XXYLT1: variants seen among roughly 807,000 people sequenced by gnomAD.
The protein encoded by XXYLT1 is xyloside xylosyltransferase 1, also known as UDP-xylose:alpha-xyloside alpha-1,3-xylosyltransferase.
XXYLT1 carries 20 observed loss-of-function variants against 28.9 expected under a neutral mutation model. The observed-to-expected ratio is 0.69, with a 90% CI of 0.49 to 1.00. The LOEUF is 1.00. Ranked by LOEUF, XXYLT1 falls within the 50% of genes least tolerant of loss-of-function variation. XXYLT1 has a pLI of 0.00. For synonymous variants in XXYLT1, 257 were observed against 253.8 expected, an observed-to-expected ratio of 1.01 and a Z score of -0.12; for missense variants, 542 against 560.1, an observed-to-expected ratio of 0.97 and a Z score of 0.33.
intron 2 of XXYLT1, among the ~76,000 whole-genome samples, chr3:195,225,894 C>T (rs975568749): frequency 5.3e-5 from 8 of 152,194 alleles, no homozygotes; most frequent in Admixed American, 4.6e-4. Flanking sequence ...GACGTATTTG[C>T]TTCCCCTTCC....
intron 3 of XXYLT1, among the ~76,000 whole-genome samples, chr3:195,112,831 A>G (rs1411360125): frequency 6.7e-6 from 1 of 149,468 alleles, no homozygotes; most frequent in Non-Finnish European, 1.5e-5. Flanking sequence ...GAAGCAGCGC[A>G]CACACGCACA....
At chr3:195,163,086 AGTCT>A (rs1482822495) in intron 2 of XXYLT1, among the ~76,000 whole-genome samples, 1 of 152,186 alleles carries the variant, frequency 6.6e-6, no homozygotes, top group Non-Finnish European at 1.5e-5. Flanking sequence ...GATGATGCTT[AGTCT>A]TTCTTCTTCA....
At chr3:195,139,577 G>T (rs1001798202) in intron 3 of XXYLT1, among the ~76,000 whole-genome samples, 15 of 152,164 alleles carry the variant, frequency 9.9e-5, no homozygotes, top group African/African-American at 3.4e-4. Flanking sequence ...TTGAGGGTGG[G>T]GTCTGTGGCT....
chr3:195,162,917 T>G (rs998020467), intron 2 of XXYLT1, among the ~76,000 whole-genome samples: 1 of 152,214 alleles, frequency 6.6e-6, no homozygotes, highest in Non-Finnish European at 1.5e-5. Flanking sequence ...ATCTTCCATT[T>G]CTATGGTAAG....
chr3:195,161,011 G>A (rs1720844192), intron 2 of XXYLT1, among the ~76,000 whole-genome samples: 2 of 152,208 alleles, frequency 1.3e-5, no homozygotes, highest in Admixed American at 1.3e-4. Context: ...AAGACGGGGA[G>A]CTTGCCAAGG....
intron 3 of XXYLT1, among the ~76,000 whole-genome samples, chr3:195,112,897 C>T (rs2108705001): frequency 6.6e-6 from 1 of 152,278 alleles, no homozygotes; most frequent in East Asian, 1.9e-4. Flanking sequence ...ATACACGCAG[C>T]CCCCAGCCTC....
In XXYLT1 at chr3:195,180,069, A is replaced by G. The variant is rs1263402846; in HGVS notation, c.653-23488T>C. ...GACGGAGCGCCTGGTGAGGGACAGA[A>G]GAATCTCTGAGCGGCCCCAAGCAGT... On this transcript the variant is annotated intron_variant, in intron 2 of 3. Transcript: ENST00000310380. The surrounding 1 kb of genome is among the most constrained non-coding windows in gnomAD (Gnocchi z 5.8). 1.3e-5 allele frequency among the ~76,000 whole-genome samples: 2 copies of G among 152,184 alleles called. No individual in the cohort carries two copies. Among genetic ancestry groups the G allele is most frequent in the Non-Finnish European group, 2.9e-5 (2 of 68,032 alleles).
chr3:195,258,779 A>G (rs1725571902), intron 1 of XXYLT1, among the ~76,000 whole-genome samples: 1 of 152,248 alleles, frequency 6.6e-6, no homozygotes, highest in South Asian at 2.1e-4. Context: ...AGAGAGAGGC[A>G]AACAATATAT....
chr3:195,109,557 T>TGTGC (rs1267841543), intron 3 of XXYLT1, among the ~76,000 whole-genome samples: 1 of 145,428 alleles, frequency 6.9e-6, no homozygotes, highest in Admixed American at 6.9e-5. Context: ...GGTGTGTGTG[T>TGTGC]GCATGGTGTG....
intron 2 of XXYLT1, chr3:195,207,440 C>G: frequency 2.2e-6 from 1 of 456,202 alleles, no homozygotes; most frequent in Non-Finnish European, 4.4e-6. Context: ...AAAGTGGGAC[C>G]GACAGACAGG....
At chr3:195,127,237 G>T (rs970953456) in intron 3 of XXYLT1, among the ~76,000 whole-genome samples, 12 of 152,100 alleles carry the variant, frequency 7.9e-5, no homozygotes, top group Admixed American at 7.9e-4. Flanking sequence ...AGCAAAACTG[G>T]AATCTAAGTT....
chr3:195,168,521 C>A lies in XXYLT1; in HGVS notation c.653-11940G>T, dbSNP rs1721239441. On this transcript the variant is annotated intron_variant, in intron 2 of 3. Coordinates refer to ENST00000310380, the MANE Select transcript of XXYLT1 (RefSeq NM_152531.5). This position sits in a 1 kb window ranked among gnomAD's most constrained non-coding sequence, Gnocchi z 4.3. ...ACTGCTGCAGCTGCTTCCATCCTAC[C>A]CTGGTCCTGAGGGCAGCAGCCCTGC... 6.6e-6 allele frequency among the ~76,000 whole-genome samples: 1 copy of A among 152,146 alleles called. No individual in the cohort carries two copies. Among genetic ancestry groups the A allele is most frequent in the Admixed American group, 6.5e-5 (1 of 15,270 alleles).
chr3:195,072,126 A>G (rs1714855020), intron 3 of XXYLT1, among the ~76,000 whole-genome samples: 1 of 152,144 alleles, frequency 6.6e-6, no homozygotes, highest in African/African-American at 2.4e-5. Context: ...GCCACAGGAA[A>G]GATCACAGGG....
Position 195,195,460 on chromosome 3 carries a change from T to C in XXYLT1, c.652+31249A>G, listed in dbSNP as rs73890731. 0.051 allele frequency among the ~76,000 whole-genome samples: 7,784 copies of C among 152,204 alleles called. 615 individuals carry two copies. Among genetic ancestry groups the C allele is most frequent in the African/African-American group, 0.18 (7,343 of 41,464 alleles). ...AGACTGTTCCAGTCAGAAGTCCCAC[T>C]GAGAAGTGGCCGCAGTTCTTCCACT... On this transcript the variant is annotated intron_variant, in intron 2 of 3. Transcript: ENST00000310380. This position sits in a 1 kb window ranked among gnomAD's most constrained non-coding sequence, Gnocchi z 4.4.
chr3:195,162,597 C>T (rs965195699), intron 2 of XXYLT1, among the ~76,000 whole-genome samples: 1 of 152,188 alleles, frequency 6.6e-6, no homozygotes, highest in Non-Finnish European at 1.5e-5. Context: ...TTGTTTATAG[C>T]GCCCAGCTCC....
intron 2 of XXYLT1, among the ~76,000 whole-genome samples, chr3:195,203,614 C>G (rs941237899): frequency 6.6e-6 from 1 of 152,210 alleles, no homozygotes; most frequent in Non-Finnish European, 1.5e-5. Flanking sequence ...CCACTCAGGC[C>G]TTTAAAGTAA....
Position 195,185,085 on chromosome 3 carries a change from A to AGAAAGGAAG in XXYLT1, c.653-28505_653-28504insCTTCCTTTC, listed in dbSNP as rs1434255998. Among the ~76,000 whole-genome samples, 470 of 100,984 alleles carry AGAAAGGAAG rather than the reference A, an allele frequency of 4.7e-3. 19 individuals are homozygous for AGAAAGGAAG. Among genetic ancestry groups the AGAAAGGAAG allele is most frequent in the African/African-American group, 0.017 (404 of 23,186 alleles). 66.2% of individuals were successfully genotyped at this position (100,984 alleles called of 152,430 possible). ...AAAGAAAAAAGGAAGGAAAGAAGGA[A>AGAAAGGAAG]GAAGGAAGGAAGGAAGGAAGGAAGG... On this transcript the variant is annotated intron_variant, in intron 2 of 3. Coordinates refer to ENST00000310380, the MANE Select transcript of XXYLT1 (RefSeq NM_152531.5).
chr3:195,106,238 T>TAGTG (rs1717074985), intron 3 of XXYLT1, among the ~76,000 whole-genome samples: 1 of 146,000 alleles, frequency 6.8e-6, no homozygotes, highest in South Asian at 2.1e-4. Context: ...GGAGAGGCGC[T>TAGTG]CTTGCTGTGC....
At chr3:195,146,315 GC>G in intron 3 of XXYLT1, among the ~76,000 whole-genome samples, 2 of 152,368 alleles carry the variant, frequency 1.3e-5, no homozygotes, top group South Asian at 4.1e-4. Context: ...TTACAGATAA[GC>G]CTTTCTGCTG....
Sources: gnomAD v4.1 joint callset for allele counts (sites outside exome capture counted in the v4.1 genomes callset) on GRCh38, gnomAD v4.1.1 for gene constraint, Gnocchi (gnomAD v3.1) non-coding constraint, MANE v1.5 for transcripts, NCBI Gene and HGNC (gene_info 2026-07-23, HGNC 2026-07-21) for gene names.